The following THOC2 variants were observed in gnomAD, a reference collection of about 807,000 sequenced individuals.
The protein encoded by THOC2 is THO complex subunit 2.
A neutral mutation model predicts 128.4 loss-of-function variants in THOC2; 10 were observed. That is an observed-to-expected ratio of 0.08 (90% CI 0.05 to 0.13). The LOEUF is 0.13. THOC2 is among the 10% of genes least tolerant of loss of function. The pLI is 1.00. For synonymous variants in THOC2, 393 were observed against 396.9 expected (o/e 0.99, Z 0.12); for missense variants, 535 against 1,155.7 (o/e 0.46, Z 7.79).
At chrX:123,656,272 A>G (rs1378541640) in intron 12 of THOC2, among the ~76,000 whole-genome samples, 1 of 102,605 alleles carries the variant, frequency 9.7e-6, no homozygotes, top group African/African-American at 3.6e-5. Flanking sequence ...CAGAGGCTGC[A>G]GTGAGCAGAG....
At chrX:123,605,200 G>A (rs1281996254) in intron 38 of THOC2, among the ~76,000 whole-genome samples, 1 of 111,314 alleles carries the variant, frequency 9.0e-6, no homozygotes, top group Non-Finnish European at 1.9e-5. Flanking sequence ...ATGTGTGTAG[G>A]GGAAAGACAC....
chrX:123,670,049 G>A (rs745610689), intron 9 of THOC2, among the ~76,000 whole-genome samples: 1 of 111,686 alleles, frequency 9.0e-6, no homozygotes, highest in South Asian at 3.8e-4. Context: ...CACATATGCC[G>A]GTCTATACTT....
chrX:123,636,325 T>A (rs894621066), intron 18 of THOC2, 150 bp from the exon 19 acceptor site: 2 of 449,487 alleles, frequency 4.4e-6, no homozygotes, highest in Admixed American at 7.8e-5. Context: ...ATAACCAATA[T>A]TTATTGAGCA....
At chrX:123,730,663 C>T (rs956700491) in intron 1 of THOC2, among the ~76,000 whole-genome samples, 2 of 112,103 alleles carry the variant, frequency 1.8e-5, no homozygotes, top group African/African-American at 6.5e-5. Flanking sequence ...AGCCCTAATA[C>T]CACTCATGCT....
At chrX:123,662,758 A>G (rs1362770716) in intron 12 of THOC2, among the ~76,000 whole-genome samples, 1 of 111,624 alleles carries the variant, frequency 9.0e-6, no homozygotes, top group African/African-American at 3.2e-5. Flanking sequence ...CTTACAACTC[A>G]ATAATAAAAA....
At chrX:123,710,541 T>G (rs2051135616) in intron 2 of THOC2, among the ~76,000 whole-genome samples, 1 of 111,792 alleles carries the variant, frequency 8.9e-6, no homozygotes, top group South Asian at 3.7e-4. Context: ...AATACATTAC[T>G]GTCTATCAAC....
At chrX:123,701,461 T>C (rs1330998825) in intron 4 of THOC2, among the ~76,000 whole-genome samples, 1 of 111,762 alleles carries the variant, frequency 8.9e-6, no homozygotes, top group Non-Finnish European at 1.9e-5. Flanking sequence ...GTAACAATAA[T>C]TCATATTACT....
At chrX:123,672,892 T>A (rs931883975) in intron 8 of THOC2, among the ~76,000 whole-genome samples, 2 of 112,554 alleles carry the variant, frequency 1.8e-5, no homozygotes, top group South Asian at 7.3e-4. Flanking sequence ...AATGAGACCT[T>A]TGTATGTGAG....
rs375465058 is a variant in THOC2 at position 123,624,279 on chromosome X, T to A, written c.3187-88A>T. 30 of 924,092 alleles carry A rather than the reference T, an allele frequency of 3.2e-5. No homozygotes were observed. The African/African-American group carries it at 6.0e-4, about 18-fold the overall frequency. 76.2% of individuals were successfully genotyped at this position (924,092 alleles called of 1,213,427 possible). A position where few individuals can be genotyped will look rare whatever the true frequency, so the allele number is the denominator to read the frequency against. On this transcript the variant is annotated intron_variant, in intron 26 of 38. Coordinates refer to ENST00000245838, the MANE Select transcript of THOC2 (RefSeq NM_001081550.2). ...AAACTTAAGTAGACTAGATCAATGTTTCCGTGTAAAAACATCATGCGTATT... is the reference window on the plus strand; with the variant it reads ...AAACTTAAGTAGACTAGATCAATGTATCCGTGTAAAAACATCATGCGTATT...
At chrX:123,608,246 C>T (rs1480066336) in intron 38 of THOC2, among the ~76,000 whole-genome samples, 3 of 106,857 alleles carry the variant, frequency 2.8e-5, no homozygotes, top group Non-Finnish European at 5.8e-5. Context: ...ACTAAAAATA[C>T]AAAAATTAGC....
rs1230500575 is a variant in THOC2, at chrX:123,668,222, C to T, written c.954G>A (p.Leu318=). The change falls in exon 10 of 39, where the codon TTG becomes TTA. Residue 318 remains leucine (L), a synonymous_variant. Coordinates refer to ENST00000245838, the MANE Select transcript of THOC2 (RefSeq NM_001081550.2). ...QIVRKLTMVV[L]SSEKMDEREK... ...CTCGCTCATCCATTTTTTCAGAAGA[C>T]AACACAACCATCGTAAGCTTTCTAA... 1.7e-6 allele frequency: 2 copies of T among 1,199,744 alleles called. No homozygotes were observed. The highest frequency in any genetic ancestry group is 3.0e-5 in the East Asian group (1 of 33,424).
At chrX:123,724,495 G>C (rs1194766179) in intron 1 of THOC2, among the ~76,000 whole-genome samples, 1 of 111,129 alleles carries the variant, frequency 9.0e-6, no homozygotes, top group Non-Finnish European at 1.9e-5. Context: ...GACCAGCCTG[G>C]CCAACATGAT....
chrX:123,718,378 CTG>C (rs1292051873), intron 1 of THOC2, among the ~76,000 whole-genome samples: 1 of 111,874 alleles, frequency 8.9e-6, no homozygotes, highest in Non-Finnish European at 1.9e-5. Flanking sequence ...CAACACTGGT[CTG>C]GGCTATAATT....
intron 6 of THOC2, 133 bp from the exon 7 acceptor site, chrX:123,696,287 C>T: frequency 2.3e-6 from 1 of 438,780 alleles, no homozygotes; most frequent in South Asian, 5.1e-5. Context: ...TGAAAGTTTA[C>T]CTCTTTGTGT....
chrX:123,673,124 A>T (rs1271353255), intron 8 of THOC2, among the ~76,000 whole-genome samples: 1 of 111,988 alleles, frequency 8.9e-6, no homozygotes. Flanking sequence ...AGATCACCTG[A>T]GGTCAGGAGT....
intron 1 of THOC2, among the ~76,000 whole-genome samples, chrX:123,728,423 T>G (rs962287079): frequency 4.5e-5 from 5 of 111,508 alleles, no homozygotes; most frequent in Admixed American, 9.6e-5. Context: ...ATGTTTCTCT[T>G]CCCAGGAAAA....
In THOC2 at chrX:123,668,198, T is replaced by C. The variant is rs775553749; in HGVS notation, c.978A>G (p.Arg326=). ...CCTCTTCTTTTTCCTTTTCTTTCTC[T>C]CGCTCATCCATTTTTTCAGAAGACA... is the stretch of plus-strand genomic sequence containing the variant. ...VVLSSEKMDE[R]EKEKEKEEEK... Residue 326 remains arginine, a synonymous_variant, in exon 10 of 39, where the codon CGA becomes CGG. Transcript: ENST00000245838. The C allele has an allele frequency of 3.3e-5, 39 of 1,197,317 alleles. No individual in the cohort carries two copies. The highest frequency in any genetic ancestry group is 4.3e-5 in the Non-Finnish European group (38 of 888,218).
chrX:123,604,574 G>A (rs765092073), intron 38 of THOC2, among the ~76,000 whole-genome samples: 1 of 111,428 alleles, frequency 9.0e-6, no homozygotes, highest in Non-Finnish European at 1.9e-5. Context: ...AGCTAGGGTG[G>A]TGATCAAAGT....
At position 123,611,044 on chromosome X, in the gene THOC2, T is replaced by C. The variant is rs892016272; in HGVS notation, c.4755-81A>G. The C allele has an allele frequency of 1.6e-5, 15 of 952,251 alleles. No individual in the cohort carries two copies. The African/African-American group carries it at 2.9e-4, about 18-fold the overall frequency. 78.5% of individuals were successfully genotyped at this position (952,251 alleles called of 1,213,427 possible). A position where few individuals can be genotyped will look rare whatever the true frequency, so the allele number is the denominator to read the frequency against. On this transcript the variant is annotated intron_variant, in intron 37 of 38. Coordinates refer to ENST00000245838, the MANE Select transcript of THOC2 (RefSeq NM_001081550.2). ...TCCCCTTTTAGTACAGCACCTCAGGTTGCAGGCCTAAATGGGCTCTGACCA... is the reference window on the plus strand; with the variant it reads ...TCCCCTTTTAGTACAGCACCTCAGGCTGCAGGCCTAAATGGGCTCTGACCA...
Sources: allele counts gnomAD v4.1 joint callset (sites outside exome capture counted in the v4.1 genomes callset), GRCh38; gene constraint gnomAD v4.1.1; transcripts MANE v1.5; gene names NCBI Gene and HGNC (gene_info 2026-07-23, HGNC 2026-07-21).